SPACA6: variants seen among roughly 807,000 people sequenced by gnomAD.
The protein encoded by SPACA6 is sperm acrosome membrane-associated protein 6.
For synonymous variants in SPACA6, 6 were observed against 1.5 expected, an observed-to-expected ratio of 4.05 and a Z score of -2.21; for missense variants, 8 against 2.8, an observed-to-expected ratio of 2.88 and a Z score of -1.34.
downstream of SPACA6, among the ~76,000 whole-genome samples, chr19:51,710,032 T>G (rs1477874996): frequency 1.3e-5 from 2 of 152,192 alleles, no homozygotes; most frequent in Admixed American, 6.5e-5. Context: ...CCTGTGCGAC[T>G]GAGGAACTGA....
At chr19:51,691,042 G>A (rs1469375422), upstream of SPACA6, among the ~76,000 whole-genome samples, 3 of 149,886 alleles carry the variant, frequency 2.0e-5, no homozygotes, top group East Asian at 4.1e-4. Flanking sequence ...CCCGTCTCCG[G>A]CCCCCGCCTC....
At chr19:51,707,029 CA>C (rs1252833500), downstream of SPACA6, among the ~76,000 whole-genome samples, 1 of 152,168 alleles carries the variant, frequency 6.6e-6, no homozygotes, top group East Asian at 1.9e-4. Context: ...AGCATGTACT[CA>C]TTCTTGTTCA....
downstream of SPACA6, among the ~76,000 whole-genome samples, chr19:51,705,784 C>A (rs1385919918): frequency 6.6e-6 from 1 of 152,124 alleles, no homozygotes; most frequent in African/African-American, 2.4e-5. Context: ...GCAACCTCCA[C>A]CTCCCGGGTT....
At chr19:51,691,654 G>T (rs977067900), upstream of SPACA6, among the ~76,000 whole-genome samples, 1 of 151,968 alleles carries the variant, frequency 6.6e-6, no homozygotes, top group African/African-American at 2.4e-5. Context: ...TGGAAAGAAA[G>T]AGGGAGAGAG....
downstream of SPACA6, among the ~76,000 whole-genome samples, chr19:51,712,880 G>A (rs1009045298): frequency 3.3e-5 from 5 of 152,138 alleles, no homozygotes; most frequent in African/African-American, 9.7e-5. Context: ...GCCAGTGTGC[G>A]GCAGGTGGCA....
At chr19:51,704,517 T>A (rs2083499140) in intron 8 of SPACA6, 37 bp downstream of exon 8, 1 of 400,670 alleles carries the variant, frequency 2.5e-6, no homozygotes, top group African/African-American at 2.1e-5. Context: ...AGCATCTAGC[T>A]CCCCGCTGTC....
rs1286241421 is a variant in SPACA6 at position 51,703,891 on chromosome 19, G to C, written c.574-139G>C. ...GAGGGGAAGGGGTGCGTTTAGGGCA[G>C]GGGAGCGAGAAGGCTCGGGGGCGGG... is the stretch of plus-strand genomic sequence containing the variant. On this transcript the variant is annotated intron_variant, in intron 6 of 8. Coordinates refer to ENST00000637797, the MANE Select transcript of SPACA6 (RefSeq NM_001316972.2). The surrounding 1 kb of genome is among the most constrained non-coding windows in gnomAD (Gnocchi z 4.2). 1 of 397,646 alleles carries C rather than the reference G, an allele frequency of 2.5e-6. No homozygotes were observed. Among genetic ancestry groups the C allele is most frequent in the Non-Finnish European group, 4.4e-6 (1 of 225,980 alleles). The allele number at this position is 397,646 out of a possible 1,614,324, so 24.6% of individuals were successfully genotyped here.
upstream of SPACA6, among the ~76,000 whole-genome samples, chr19:51,690,081 G>A (rs994762256): frequency 6.6e-6 from 1 of 151,130 alleles, no homozygotes; most frequent in Non-Finnish European, 1.5e-5. Context: ...CAGCGGCGGG[G>A]GCAGGAGATG....
At chr19:51,690,253 C>T (rs1211031878), upstream of SPACA6, among the ~76,000 whole-genome samples, 5 of 151,708 alleles carry the variant, frequency 3.3e-5, no homozygotes, top group Admixed American at 3.3e-4. Flanking sequence ...GGAGTCTGAG[C>T]CCCCAGTCTG....
At chr19:51,709,798 G>A (rs2083533823), downstream of SPACA6, among the ~76,000 whole-genome samples, 1 of 152,076 alleles carries the variant, frequency 6.6e-6, no homozygotes, top group Admixed American at 6.6e-5. Flanking sequence ...TGCAGCCCTG[G>A]GGAACAAGGT....
At chr19:51,712,261 T>A (rs2083545173) in exon 3 of SPACA6, 2 of 152,212 alleles carry the variant, frequency 1.3e-5, no homozygotes, top group Non-Finnish European at 2.9e-5. Context: ...GTGGTCTCCC[T>A]GCCTCGGCCT....
chr19:51,703,193 C>T lies in SPACA6; in HGVS notation c.464-35C>T, dbSNP rs191375378. On this transcript the variant is annotated intron_variant, in intron 5 of 8. Transcript: ENST00000637797. The surrounding 1 kb of genome is among the most constrained non-coding windows in gnomAD (Gnocchi z 4.2). ...AGCTGGTGGCGAGGCCAGACGTGGTCGGGGCCCAGCGAGTGAACCCTGCTC... is the reference window on the plus strand; with the variant it reads ...AGCTGGTGGCGAGGCCAGACGTGGTTGGGGCCCAGCGAGTGAACCCTGCTC... 6.8e-5 allele frequency: 27 copies of T among 399,314 alleles called. No individual in the cohort carries two copies. The East Asian group carries it at 6.8e-4, about 10-fold the overall frequency. The allele number at this position is 399,314 out of a possible 1,614,324, so 24.7% of individuals were successfully genotyped here.
chr19:51,683,909 GC>G, the SPACA6 span, among the ~76,000 whole-genome samples: 4 of 151,896 alleles, frequency 2.6e-5, no homozygotes, highest in Admixed American at 1.3e-4. Flanking sequence ...AATCACCTTG[GC>G]ATATGTAGTA....
At chr19:51,697,968 G>A (rs569444658) in intron 2 of SPACA6, among the ~76,000 whole-genome samples, 20 of 152,170 alleles carry the variant, frequency 1.3e-4, no homozygotes, top group African/African-American at 4.8e-4. Context: ...CACTCACTAC[G>A]TGCTAGGAGC....
At chr19:51,712,854 A>G (rs1190947349), downstream of SPACA6, among the ~76,000 whole-genome samples, 1 of 152,192 alleles carries the variant, frequency 6.6e-6, no homozygotes. Context: ...AGACAAAAGC[A>G]CCATCTGCAG....
chr19:51,695,065 C>T (rs1439580210), intron 2 of SPACA6, among the ~76,000 whole-genome samples: 2 of 152,114 alleles, frequency 1.3e-5, no homozygotes, highest in Non-Finnish European at 2.9e-5. Context: ...GAGACATACA[C>T]TCACACTCAC....
intron 2 of SPACA6, among the ~76,000 whole-genome samples, chr19:51,695,339 C>T (rs376014696): frequency 3.9e-5 from 6 of 152,298 alleles, no homozygotes; most frequent in South Asian, 2.1e-4. Flanking sequence ...ATGATCCCCA[C>T]GAGGTGCCAG....
upstream of SPACA6, chr19:51,692,591 G>A (rs1335827582): frequency 1.9e-6 from 1 of 519,680 alleles, no homozygotes. The surrounding 1 kb of genome is among the most constrained non-coding windows in gnomAD (Gnocchi z 5.6). Flanking sequence ...GAGGGGCCGG[G>A]GGCCCGGACT....
At position 51,704,263 on chromosome 19, in the gene SPACA6, C is replaced by T. The variant is rs1467148362; in HGVS notation, c.731-7C>T. 5.0e-6 allele frequency: 2 copies of T among 400,682 alleles called. No homozygotes were observed. Among genetic ancestry groups the T allele is most frequent in the South Asian group, 1.3e-4 (1 of 7,956 alleles). The allele number at this position is 400,682 out of a possible 1,614,324, so 24.8% of individuals were successfully genotyped here. On this transcript the variant is annotated splice_polypyrimidine_tract_variant and splice_region_variant and intron_variant, in intron 7 of 8. Coordinates refer to ENST00000637797, the MANE Select transcript of SPACA6 (RefSeq NM_001316972.2). ...CTCGTGCCTGGCTGACGTGCGCGCC[C>T]CCGCAGTGACGGGCCCGCCCCCGCG...
Sources: gnomAD v4.1 joint callset for allele counts (sites outside exome capture counted in the v4.1 genomes callset) on GRCh38, gnomAD v4.1.1 for gene constraint, Gnocchi (gnomAD v3.1) non-coding constraint, MANE v1.5 for transcripts, NCBI Gene and HGNC (gene_info 2026-07-23, HGNC 2026-07-21) for gene names.